Variants in SLC15A1 observed in about 807,000 individuals in gnomAD.
SLC15A1 encodes the protein solute carrier family 15 member 1.
In SLC15A1, 83 loss-of-function variants were observed where a neutral mutation model predicts 92.9. The ratio of observed to expected loss-of-function variants is 0.89; its 90% confidence interval spans 0.75 to 1.07. The LOEUF is 1.07. SLC15A1 is among the 50% of genes least tolerant of loss of function. The pLI, the probability that SLC15A1 is intolerant of heterozygous loss-of-function variation, is 0.00. For synonymous variants in SLC15A1, 322 were observed against 318.2 expected (o/e 1.01, Z -0.13); for missense variants, 857 against 880.1 (o/e 0.97, Z 0.33).
At chr13:98,732,267 T>C (rs899730421) in intron 1 of SLC15A1, among the ~76,000 whole-genome samples, 20 of 152,344 alleles carry the variant, frequency 1.3e-4, no homozygotes, top group African/African-American at 4.8e-4. Flanking sequence ...TGTTGAACTA[T>C]GATCAGAGCC....
intron 1 of SLC15A1, among the ~76,000 whole-genome samples, chr13:98,752,262 G>A (rs2088552611): frequency 6.6e-6 from 1 of 152,248 alleles, no homozygotes; most frequent in African/African-American, 2.4e-5. Context: ...CGCCCCTGCC[G>A]TCACCCGCTG....
In SLC15A1 at chr13:98,688,246, AC is replaced by A. The variant is rs1253878495; in HGVS notation, c.1683+1del. ...TCTGATACAATGAAACGAGTTACTA[AC>A]CTTCCTTTGGACTATATAGGTATAA... is the stretch of plus-strand genomic sequence containing the variant. On this transcript the variant is annotated splice_donor_variant, in intron 20 of 22. Transcript: ENST00000376503. LOFTEE classifies it high-confidence loss of function. 3 of 1,592,416 alleles carry A rather than the reference AC, an allele frequency of 1.9e-6. No individual in the cohort carries two copies. Among genetic ancestry groups the A allele is most frequent in the Non-Finnish European group, 2.6e-6 (3 of 1,163,346 alleles).
At chr13:98,724,084 C>T in intron 4 of SLC15A1, 53 bp from the exon 5 acceptor site, 32 of 1,603,156 alleles carry the variant, frequency 2.0e-5, no homozygotes, top group Non-Finnish European at 2.6e-5. Context: ...TAGCCATCCA[C>T]TTTTGACTCC....
intron 18 of SLC15A1, among the ~76,000 whole-genome samples, chr13:98,700,729 T>C (rs1214554692): frequency 6.6e-6 from 1 of 152,194 alleles, no homozygotes; most frequent in Non-Finnish European, 1.5e-5. Context: ...ATGTATGAAT[T>C]GTGTATAAGA....
intron 15 of SLC15A1, 53 bp downstream of exon 15, chr13:98,708,633 G>T: frequency 2.0e-6 from 3 of 1,469,052 alleles, no homozygotes; most frequent in Non-Finnish European, 2.8e-6. Context: ...GATTCTGAAC[G>T]CTCCACCTAA....
chr13:98,713,299 C>T (rs1367101005), intron 9 of SLC15A1, among the ~76,000 whole-genome samples: 6 of 152,018 alleles, frequency 3.9e-5, no homozygotes, highest in South Asian at 2.1e-4. Context: ...TGAGCTCAGG[C>T]GATCCACTCG....
At chr13:98,698,582 C>T (rs2088041623) in intron 18 of SLC15A1, among the ~76,000 whole-genome samples, 1 of 152,134 alleles carries the variant, frequency 6.6e-6, no homozygotes, top group South Asian at 2.1e-4. Flanking sequence ...GCTGGGATTA[C>T]AGGCACATGC....
intron 1 of SLC15A1, among the ~76,000 whole-genome samples, chr13:98,728,435 A>C (rs562364970): frequency 6.6e-6 from 1 of 152,326 alleles, no homozygotes; most frequent in African/African-American, 2.4e-5. Flanking sequence ...GGAGGACATC[A>C]GGTTAAGTGA....
Position 98,704,328 on chromosome 13 carries a change from G to A in SLC15A1, c.1377C>T (p.Arg459=). 1.2e-6 allele frequency: 2 copies of A among 1,613,782 alleles called. No individual in the cohort carries two copies. Among genetic ancestry groups the A allele is most frequent in the South Asian group, 2.2e-5 (2 of 91,038 alleles). The change falls in exon 17 of 23, where the codon CGC becomes CGT. Residue 459 remains arginine (R), a synonymous_variant. Coordinates refer to ENST00000376503, the MANE Select transcript of SLC15A1 (RefSeq NM_005073.4). ...AVTDDFKQGQ[R]HTLLVWAPNH... is the part of the protein sequence containing the mutation. ...TGGGGGCCCACACTAGAAGCGTGTG[G>A]CGTTGGCCCTGCTTGAAGTCGTCAG...
At position 98,684,689 on chromosome 13, in the gene SLC15A1, C is replaced by A. The variant is rs578035610; in HGVS notation, c.*35G>T. 2 of 1,586,664 alleles carry A rather than the reference C, an allele frequency of 1.3e-6. No homozygotes were observed. Among genetic ancestry groups the A allele is most frequent in the Non-Finnish European group, 1.7e-6 (2 of 1,158,258 alleles). ...CTGGGGGCAGAGGTCAGGGCATCTG[C>A]GGGCCCAGTCCATCCTCCACTTGCC... On this transcript the variant is annotated 3_prime_UTR_variant, in exon 23 of 23. Transcript: ENST00000376503.
intron 1 of SLC15A1, among the ~76,000 whole-genome samples, chr13:98,735,287 G>GC (rs1259527968): frequency 6.6e-6 from 1 of 152,150 alleles, no homozygotes; most frequent in Non-Finnish European, 1.5e-5. Context: ...AAATTCAACA[G>GC]CCTTCATGCT....
Position 98,684,500 on chromosome 13 carries a change from G to A in SLC15A1, c.*224C>T, listed in dbSNP as rs3783002. The A allele has an allele frequency of 0.065, 22,654 of 349,226 alleles. 1,168 individuals carry two copies. Among genetic ancestry groups the A allele is most frequent in the African/African-American group, 0.14 (6,206 of 43,534 alleles). 21.6% of individuals were successfully genotyped at this position (349,226 alleles called of 1,614,324 possible). On this transcript the variant is annotated 3_prime_UTR_variant, in exon 23 of 23. Coordinates refer to ENST00000376503, the MANE Select transcript of SLC15A1 (RefSeq NM_005073.4). Reference sequence around the variant, plus strand: ...GCGGAGGTTGCAGTGAGCTGAGATCGTGCCATTGCACTCCAGCCTGGACAA... The same window carrying A: ...GCGGAGGTTGCAGTGAGCTGAGATCATGCCATTGCACTCCAGCCTGGACAA...
intron 1 of SLC15A1, among the ~76,000 whole-genome samples, chr13:98,728,573 G>A (rs905152729): frequency 1.3e-5 from 2 of 152,184 alleles, no homozygotes; most frequent in African/African-American, 4.8e-5. Flanking sequence ...GTAGGTGAAG[G>A]TGGGAGGATG....
chr13:98,749,877 A>T (rs1418350769), intron 1 of SLC15A1, among the ~76,000 whole-genome samples: 4 of 152,238 alleles, frequency 2.6e-5, no homozygotes, highest in Non-Finnish European at 5.9e-5. Flanking sequence ...GTCTCAGTAC[A>T]TAATGAAGTT....
At chr13:98,710,809 A>AAT (rs2088155707) in intron 11 of SLC15A1, among the ~76,000 whole-genome samples, 1 of 13,940 alleles carries the variant, frequency 7.2e-5, no homozygotes. Flanking sequence ...CTCTTGACTC[A>AAT]AAAAAAAAAA....
chr13:98,738,579 C>T (rs987222176), intron 1 of SLC15A1, among the ~76,000 whole-genome samples: 1 of 152,268 alleles, frequency 6.6e-6, no homozygotes, highest in Admixed American at 6.5e-5. Context: ...TCAGAGGGTG[C>T]AAGCCATAAG....
rs367590676 is a variant in SLC15A1, at chr13:98,684,891, C to A, written c.1960G>T (p.Ala654Ser). ...KQWAEYILFA[A>S]LLLVVCVIFA... ...ATTACACAGACGACCAGAAGCAACG[C>A]GGCAAATAGAATGTACTCGGCCCAC... Residue 654 changes from alanine (A) to serine (S), a missense_variant, in exon 23 of 23, where the codon GCG becomes TCG. By Grantham distance (99) the Ala-to-Ser change is moderately conservative. Coordinates refer to ENST00000376503, the MANE Select transcript of SLC15A1 (RefSeq NM_005073.4). The A allele has an allele frequency of 7.4e-6, 12 of 1,613,108 alleles. No homozygotes were observed. Among genetic ancestry groups the A allele is most frequent in the Admixed American group, 1.7e-5 (1 of 59,876 alleles).
chr13:98,685,009 C>T, intron 22 of SLC15A1, 94 bp from the exon 23 acceptor site: 1 of 1,099,954 alleles, frequency 9.1e-7, no homozygotes, highest in Non-Finnish European at 1.3e-6. Flanking sequence ...TTGCTACATG[C>T]AGATGGAGAG....
At chr13:98,704,693 A>G (rs1039435191) in intron 16 of SLC15A1, among the ~76,000 whole-genome samples, 3 of 152,210 alleles carry the variant, frequency 2.0e-5, no homozygotes, top group African/African-American at 7.2e-5. Context: ...GCTTTTATCA[A>G]AAATAAATAC....
Sources: gnomAD v4.1 joint callset for allele counts (sites outside exome capture counted in the v4.1 genomes callset) on GRCh38, gnomAD v4.1.1 for gene constraint, MANE v1.5 for transcripts, NCBI Gene and HGNC (gene_info 2026-07-23, HGNC 2026-07-21) for gene names.